The following PDE4D variants were observed in gnomAD, a reference collection of about 807,000 sequenced individuals.
PDE4D encodes 3',5'-cyclic-AMP phosphodiesterase 4D.
A neutral mutation model predicts 87.4 loss-of-function variants in PDE4D; 24 were observed. The ratio of observed to expected loss-of-function variants is 0.27; its 90% CI spans 0.20 to 0.39. The LOEUF (loss-of-function observed/expected upper bound fraction) is 0.39, where lower values mean the gene tolerates loss of function less well. Among genes scored for constraint, PDE4D ranks in the 10% least tolerant of loss-of-function variants. The probability of loss-of-function intolerance (pLI) is 1.00; values close to 1 mark genes in which losing one functional copy is unlikely to be tolerated. For missense variants in PDE4D, 714 were observed against 1,041.0 expected, an observed-to-expected ratio of 0.69 and a Z score of 4.32; for synonymous variants, 384 against 383.2, an observed-to-expected ratio of 1.00 and a Z score of -0.02.
chr5:60,108,455 A>G (rs566341109), intron 2 of PDE4D, among the ~76,000 whole-genome samples: 237 of 152,332 alleles, frequency 1.6e-3, no homozygotes, highest in African/African-American at 5.3e-3. Context: ...TAAAGATTCA[A>G]TGCCATCCCC....
At chr5:59,879,816 C>T (rs1581564488) in intron 1 of PDE4D, among the ~76,000 whole-genome samples, 1 of 152,216 alleles carries the variant, frequency 6.6e-6, no homozygotes, top group Admixed American at 6.5e-5. Flanking sequence ...TCTCTGCCCA[C>T]TGCAACCTCC....
chr5:60,091,601 A>T (rs1017783907), intron 2 of PDE4D, among the ~76,000 whole-genome samples: 1 of 152,182 alleles, frequency 6.6e-6, no homozygotes, highest in Non-Finnish European at 1.5e-5. Flanking sequence ...TTAAAAATAG[A>T]TCTACAGATG....
At chr5:59,488,420 G>A (rs1805557619) in intron 1 of PDE4D, among the ~76,000 whole-genome samples, 1 of 152,186 alleles carries the variant, frequency 6.6e-6, no homozygotes, top group South Asian at 2.1e-4. Context: ...TCAGAAATTA[G>A]TTTGGAGTAG....
intron 1 of PDE4D, among the ~76,000 whole-genome samples, chr5:59,597,307 C>T (rs1826838885): frequency 6.6e-6 from 1 of 152,134 alleles, no homozygotes; most frequent in African/African-American, 2.4e-5. Context: ...TTAATGGTTA[C>T]ATGATCAAGT....
At chr5:58,977,981 G>A (rs1030086755) in intron 11 of PDE4D, among the ~76,000 whole-genome samples, 1 of 152,020 alleles carries the variant, frequency 6.6e-6, no homozygotes, top group Non-Finnish European at 1.5e-5. Context: ...TGTTGTGTTT[G>A]GCTGTCTGTA....
intron 2 of PDE4D, among the ~76,000 whole-genome samples, chr5:60,044,205 C>T (rs1768884472): frequency 6.6e-6 from 1 of 151,892 alleles, no homozygotes. Context: ...GATGGACACC[C>T]CAATTGCCCC....
chr5:59,805,137 T>C (rs988677134), intron 1 of PDE4D, among the ~76,000 whole-genome samples: 1 of 152,186 alleles, frequency 6.6e-6, no homozygotes, highest in East Asian at 1.9e-4. Flanking sequence ...CAGAAGACTT[T>C]CAAAATGTAT....
intron 5 of PDE4D, among the ~76,000 whole-genome samples, chr5:59,080,468 T>C (rs1458126905): frequency 6.6e-6 from 1 of 152,206 alleles, no homozygotes; most frequent in Admixed American, 6.5e-5. Flanking sequence ...GTGTGGGACT[T>C]GTCTCTGTTC....
intron 1 of PDE4D, among the ~76,000 whole-genome samples, chr5:60,485,466 T>A (rs1583911354): frequency 6.6e-6 from 1 of 152,144 alleles, no homozygotes; most frequent in East Asian, 1.9e-4. Context: ...TGGATTTATG[T>A]CTTTGCTTCA....
In PDE4D at chr5:60,162,645, C is replaced by T. The variant is rs186389309; in HGVS notation, c.42+22912G>A. On this transcript the variant is annotated intron_variant, in intron 2 of 16. Coordinates refer to the PDE4D transcript ENST00000502484. ...TTTAACTGTGGCAATTCCTGGAGCC[C>T]TTCCCAGAGATACTGAATCAAAAAT... Among the ~76,000 whole-genome samples, 200 of 152,196 alleles carry T rather than the reference C, an allele frequency of 1.3e-3. 1 individual carries two copies. The highest frequency in any genetic ancestry group is 4.4e-3 in the African/African-American group (183 of 41,542).
chr5:60,138,940 TG>T (rs1332138431), intron 2 of PDE4D, among the ~76,000 whole-genome samples: 4 of 152,138 alleles, frequency 2.6e-5, no homozygotes, highest in South Asian at 2.1e-4. Context: ...TTTGGTTTTT[TG>T]GGGTTTTTTT....
At chr5:59,255,483 T>C (rs1045090583) in intron 1 of PDE4D, among the ~76,000 whole-genome samples, 3 of 152,190 alleles carry the variant, frequency 2.0e-5, no homozygotes, top group Non-Finnish European at 2.9e-5. Context: ...GGGTTTCTTA[T>C]AGTGGTAGTA....
chr5:60,003,485 G>A (rs984232042), intron 2 of PDE4D, among the ~76,000 whole-genome samples: 4 of 152,076 alleles, frequency 2.6e-5, no homozygotes, highest in Non-Finnish European at 4.4e-5. Context: ...GCCTAGGTGG[G>A]TGGATCATGA....
intron 1 of PDE4D, among the ~76,000 whole-genome samples, chr5:59,220,422 T>TAA (rs369438971): frequency 3.5e-5 from 4 of 114,656 alleles, no homozygotes; most frequent in South Asian, 6.2e-4. Context: ...AAAACAGAGT[T>TAA]AAAAAAAAAA....
intron 2 of PDE4D, among the ~76,000 whole-genome samples, chr5:59,999,013 C>T (rs1011676001): frequency 6.6e-6 from 1 of 152,076 alleles, no homozygotes; most frequent in Non-Finnish European, 1.5e-5. Context: ...CCAGAGACGC[C>T]AACTTAGCAA....
At chr5:60,351,849 A>G (rs978969763) in intron 1 of PDE4D, among the ~76,000 whole-genome samples, 9 of 151,274 alleles carry the variant, frequency 5.9e-5, no homozygotes, top group Non-Finnish European at 1.2e-4. Flanking sequence ...TCCATCACCC[A>G]GGCTAGAGTG....
chr5:59,240,275 C>T (rs1757370153), intron 1 of PDE4D, among the ~76,000 whole-genome samples: 1 of 152,124 alleles, frequency 6.6e-6, no homozygotes, highest in Non-Finnish European at 1.5e-5. Flanking sequence ...AAGGATGTGA[C>T]TTTAACCCTG....
chr5:59,714,034 C>T (rs1056110307), intron 1 of PDE4D, among the ~76,000 whole-genome samples: 1 of 152,140 alleles, frequency 6.6e-6, no homozygotes, highest in African/African-American at 2.4e-5. Context: ...GTTGTGAATG[C>T]AGGCCTGGGT....
chr5:59,138,029 C>A (rs906931093), intron 5 of PDE4D, among the ~76,000 whole-genome samples: 1 of 152,164 alleles, frequency 6.6e-6, no homozygotes, highest in African/African-American at 2.4e-5. Context: ...GCAACCCTAA[C>A]GAGGTTAAAG....
Sources: allele counts gnomAD v4.1 joint callset (sites outside exome capture counted in the v4.1 genomes callset), GRCh38; gene constraint gnomAD v4.1.1; transcripts MANE v1.5; gene names NCBI Gene and HGNC (gene_info 2026-07-23, HGNC 2026-07-21).